Variants in AK5 observed in about 807,000 individuals in gnomAD.
AK5 encodes the protein adenylate kinase 5.
AK5 carries 27 observed loss-of-function variants against 69.5 expected under a neutral mutation model. That is an observed-to-expected ratio of 0.39 (90% confidence interval 0.29 to 0.54). The LOEUF (loss-of-function observed/expected upper bound fraction) is 0.54. AK5 is among the 20% of genes least tolerant of loss of function. AK5 has a pLI of 0.71. For missense variants in AK5, 531 were observed against 700.4 expected, an observed-to-expected ratio of 0.76 and a Z score of 2.73; for synonymous variants, 260 against 244.4, an observed-to-expected ratio of 1.06 and a Z score of -0.60.
intron 8 of AK5, among the ~76,000 whole-genome samples, chr1:77,418,034 A>G (rs1229947213): frequency 1.3e-5 from 2 of 152,172 alleles, no homozygotes; most frequent in Non-Finnish European, 2.9e-5. Context: ...TAAACTAATA[A>G]TATTTACTGA....
At chr1:77,475,398 AATATATATGT>A (rs1185961808) in intron 8 of AK5, among the ~76,000 whole-genome samples, 1 of 41,140 alleles carries the variant, frequency 2.4e-5, no homozygotes, top group South Asian at 1.0e-3. Flanking sequence ...GTATATATAT[AATATATATGT>A]ATATATATAC....
At chr1:77,438,712 T>C (rs1311006352) in intron 8 of AK5, among the ~76,000 whole-genome samples, 1 of 152,142 alleles carries the variant, frequency 6.6e-6, no homozygotes, top group Non-Finnish European at 1.5e-5. Flanking sequence ...CCAGGCATGC[T>C]AATCAACCAA....
chr1:77,327,445 T>C (rs908055754), intron 5 of AK5, among the ~76,000 whole-genome samples: 1 of 151,540 alleles, frequency 6.6e-6, no homozygotes, highest in Non-Finnish European at 1.5e-5. Flanking sequence ...ATGGTGACAT[T>C]AACAACATGC....
chr1:77,481,964 A>G (rs763173596), intron 8 of AK5, among the ~76,000 whole-genome samples: 6 of 152,222 alleles, frequency 3.9e-5, no homozygotes, highest in Non-Finnish European at 8.8e-5. Context: ...TGTGCAACTG[A>G]TGATATTTGG....
At chr1:77,411,845 A>G (rs1650067281) in intron 7 of AK5, among the ~76,000 whole-genome samples, 1 of 152,240 alleles carries the variant, frequency 6.6e-6, no homozygotes, top group Non-Finnish European at 1.5e-5. Flanking sequence ...TCAAAGAAAG[A>G]CAGAATTACA....
intron 6 of AK5, among the ~76,000 whole-genome samples, chr1:77,347,384 T>C (rs1301633144): frequency 1.3e-5 from 2 of 152,196 alleles, no homozygotes; most frequent in Admixed American, 6.5e-5. Flanking sequence ...CAAGCACTTA[T>C]CAAATCTTAA....
At chr1:77,470,605 G>C (rs1245226948) in intron 8 of AK5, among the ~76,000 whole-genome samples, 1 of 151,818 alleles carries the variant, frequency 6.6e-6, no homozygotes, top group Non-Finnish European at 1.5e-5. Flanking sequence ...GGAGGCACAG[G>C]ACTGGAAATT....
intron 6 of AK5, among the ~76,000 whole-genome samples, chr1:77,373,186 T>C (rs962065299): frequency 6.6e-6 from 1 of 152,158 alleles, no homozygotes; most frequent in African/African-American, 2.4e-5. Context: ...CTTCATAACA[T>C]CCTTGCCAGC....
chr1:77,426,023 A>G (rs894933761), intron 8 of AK5, among the ~76,000 whole-genome samples: 2 of 152,202 alleles, frequency 1.3e-5, no homozygotes, highest in Non-Finnish European at 2.9e-5. Flanking sequence ...ATAATGCTCA[A>G]ATAAAACTAC....
At chr1:77,343,069 C>T (rs1661737986) in intron 6 of AK5, among the ~76,000 whole-genome samples, 2 of 152,088 alleles carry the variant, frequency 1.3e-5, no homozygotes, top group South Asian at 4.2e-4. Flanking sequence ...GAGAAAGAGA[C>T]ATTAAACAAT....
chr1:77,378,874 C>T (rs1647425327), intron 6 of AK5, among the ~76,000 whole-genome samples: 1 of 152,082 alleles, frequency 6.6e-6, no homozygotes, highest in South Asian at 2.1e-4. Flanking sequence ...TGCCGTCAGT[C>T]TGAATAGAAA....
chr1:77,478,850 A>C (rs1163036458), intron 8 of AK5, among the ~76,000 whole-genome samples: 1 of 152,212 alleles, frequency 6.6e-6, no homozygotes, highest in East Asian at 1.9e-4. Context: ...CCCTGATCCT[A>C]AAGGAAAGCA....
chr1:77,341,225 A>G (rs1661636578), intron 6 of AK5, among the ~76,000 whole-genome samples: 2 of 152,236 alleles, frequency 1.3e-5, no homozygotes, highest in Admixed American at 1.3e-4. Flanking sequence ...TTTAGAATCT[A>G]GAACATTAGA....
intron 6 of AK5, among the ~76,000 whole-genome samples, chr1:77,386,131 A>G (rs2100514314): frequency 6.6e-6 from 1 of 152,320 alleles, no homozygotes; most frequent in South Asian, 2.1e-4. Flanking sequence ...GTTCCTGGCA[A>G]TCACAGAGTA....
At chr1:77,353,839 A>G (rs1662347943) in intron 6 of AK5, among the ~76,000 whole-genome samples, 1 of 152,146 alleles carries the variant, frequency 6.6e-6, no homozygotes, top group Non-Finnish European at 1.5e-5. Context: ...AGGTACACAG[A>G]CACGCCACTG....
intron 6 of AK5, among the ~76,000 whole-genome samples, chr1:77,395,121 C>CT (rs926206794): frequency 3.1e-4 from 46 of 148,002 alleles, no homozygotes; most frequent in African/African-American, 8.9e-4. Context: ...ATAATGGATT[C>CT]TTTTTTTTTT....
intron 12 of AK5, among the ~76,000 whole-genome samples, chr1:77,529,334 G>GT (rs935476152): frequency 0.021 from 2,832 of 137,982 alleles, 77 homozygotes; most frequent in African/African-American, 0.06. Flanking sequence ...CGTTTTATAG[G>GT]TTTTTTTTTT....
In AK5 at chr1:77,419,591, A is replaced by G. The variant is rs116061943; in HGVS notation, c.1059+1876A>G. Among the ~76,000 whole-genome samples, 1,400 of 152,314 alleles carry G rather than the reference A, an allele frequency of 9.2e-3. 12 individuals are homozygous for G. The highest frequency in any genetic ancestry group is 0.043 in the East Asian group (223 of 5,190). On this transcript the variant is annotated intron_variant, in intron 8 of 13. Coordinates refer to ENST00000354567, the MANE Select transcript of AK5 (RefSeq NM_174858.3). ...AAACAGAAATTCAATTAACGGTTGAATAGTAAACTAGATGCAGCTAAAAAG... is the reference window on the plus strand; with the variant it reads ...AAACAGAAATTCAATTAACGGTTGAGTAGTAAACTAGATGCAGCTAAAAAG...
At chr1:77,296,864 A>G (rs1180969878) in intron 3 of AK5, among the ~76,000 whole-genome samples, 1 of 152,186 alleles carries the variant, frequency 6.6e-6, no homozygotes, top group Admixed American at 6.5e-5. Flanking sequence ...ATGGATATGT[A>G]GTTTTTCCAG....
Sources: allele counts gnomAD v4.1 joint callset (sites outside exome capture counted in the v4.1 genomes callset), GRCh38; gene constraint gnomAD v4.1.1; transcripts MANE v1.5; gene names NCBI Gene and HGNC (gene_info 2026-07-23, HGNC 2026-07-21).